SMG6: variants seen among roughly 807,000 people sequenced by gnomAD.
SMG6 encodes SMG6 nonsense mediated mRNA decay factor, also known as telomerase-binding protein EST1A.
A neutral mutation model predicts 142.2 loss-of-function variants in SMG6; 66 were observed. That is an observed-to-expected ratio of 0.46 (90% CI 0.38 to 0.57). The LOEUF (loss-of-function observed/expected upper bound fraction) is 0.57, where lower values mean the gene tolerates loss of function less well. Among genes scored for constraint, SMG6 ranks in the 20% least tolerant of loss-of-function variants. SMG6 has a pLI of 0.00. For missense variants in SMG6, 1,793 were observed against 1,832.0 expected, an observed-to-expected ratio of 0.98 and a Z score of 0.39; for synonymous variants, 779 against 702.4, an observed-to-expected ratio of 1.11 and a Z score of -1.72.
Position 2,069,970 on chromosome 17 carries a change from C to T in SMG6, c.3682-1039G>A, listed in dbSNP as rs149997391. Among the ~76,000 whole-genome samples, 467 of 152,296 alleles carry T rather than the reference C, an allele frequency of 3.1e-3. 5 individuals carry two copies. Among genetic ancestry groups the T allele is most frequent in the African/African-American group, 8.9e-3 (371 of 41,540 alleles). On this transcript the variant is annotated intron_variant, in intron 15 of 18. Coordinates refer to ENST00000263073, the MANE Select transcript of SMG6 (RefSeq NM_017575.5). The stretch of plus-strand genomic sequence containing the variant: ...CCATATCGTGGTACTAAGCAATTGA[C>T]AGCCTAGTCATATGCTTACTAGTGC...
At chr17:2,104,583 G>T (rs1214219420) in intron 13 of SMG6, among the ~76,000 whole-genome samples, 4 of 151,990 alleles carry the variant, frequency 2.6e-5, no homozygotes, top group East Asian at 1.9e-4. Flanking sequence ...GGCAGGTAGA[G>T]CAAGTTAGCA....
chr17:2,298,113 C>G, intron 2 of SMG6, 58 bp from the exon 3 acceptor site: 1 of 1,508,074 alleles, frequency 6.6e-7, no homozygotes, highest in East Asian at 2.3e-5. Flanking sequence ...AAGCTAGACT[C>G]AAGTTTTGAG....
intron 10 of SMG6, among the ~76,000 whole-genome samples, chr17:2,219,803 CA>C (rs72234069): frequency 0.33 from 39,026 of 117,232 alleles, 5,032 homozygotes; most frequent in Admixed American, 0.37. Flanking sequence ...GACCCTTTAT[CA>C]AAAAAAAAAA....
chr17:2,286,751 C>T (rs1025530315), intron 6 of SMG6, among the ~76,000 whole-genome samples: 1 of 152,006 alleles, frequency 6.6e-6, no homozygotes, highest in Non-Finnish European at 1.5e-5. Context: ...AAAAGATAAA[C>T]TGGACTTCAG....
intron 6 of SMG6, among the ~76,000 whole-genome samples, chr17:2,291,852 TAAA>T (rs60668132): frequency 5.2e-5 from 7 of 133,498 alleles, no homozygotes; most frequent in African/African-American, 1.7e-4. Context: ...CTGCCTCTCT[TAAA>T]AAAAAAAAAA....
At chr17:2,222,862 C>T (rs188083136) in intron 10 of SMG6, among the ~76,000 whole-genome samples, 103 of 152,262 alleles carry the variant, frequency 6.8e-4, no homozygotes, top group Non-Finnish European at 1.1e-3. Context: ...TGTCAATGGC[C>T]TACAACTGTA....
intron 13 of SMG6, among the ~76,000 whole-genome samples, chr17:2,145,877 T>G (rs1391375564): frequency 2.0e-5 from 3 of 152,096 alleles, no homozygotes; most frequent in Non-Finnish European, 4.4e-5. Flanking sequence ...CAATGTAGAT[T>G]CTACCTGTCT....
At chr17:2,086,874 C>T (rs1272267989) in intron 13 of SMG6, among the ~76,000 whole-genome samples, 1 of 152,158 alleles carries the variant, frequency 6.6e-6, no homozygotes, top group African/African-American at 2.4e-5. Flanking sequence ...GGGAGAGGGG[C>T]CCTGCTGGAT....
chr17:2,131,546 C>T (rs2070121677), intron 13 of SMG6, among the ~76,000 whole-genome samples: 1 of 152,136 alleles, frequency 6.6e-6, no homozygotes, highest in South Asian at 2.1e-4. Flanking sequence ...GATCTGCTCA[C>T]CTCGGTCTCC....
At chr17:2,268,088 A>G (rs1378072271) in intron 8 of SMG6, among the ~76,000 whole-genome samples, 1 of 152,046 alleles carries the variant, frequency 6.6e-6, no homozygotes, top group Admixed American at 6.6e-5. Flanking sequence ...TATTATTATT[A>G]GAGACGGCAT....
chr17:2,120,528 T>C (rs148109656), intron 13 of SMG6, among the ~76,000 whole-genome samples: 1,896 of 152,328 alleles, frequency 0.012, 39 homozygotes, highest in African/African-American at 0.038. Context: ...GAGACCAGCA[T>C]AGACAACATA....
chr17:2,133,360 T>C (rs1264531303), intron 13 of SMG6, among the ~76,000 whole-genome samples: 3 of 152,180 alleles, frequency 2.0e-5, no homozygotes, highest in East Asian at 1.9e-4. Flanking sequence ...AGAGAACTTA[T>C]GTTTAATTCT....
At chr17:2,258,040 C>CTAT (rs2074230341) in intron 8 of SMG6, among the ~76,000 whole-genome samples, 1 of 50,984 alleles carries the variant, frequency 2.0e-5, no homozygotes, top group Non-Finnish European at 4.1e-5. Context: ...AAAAAATATA[C>CTAT]ACACACACAC....
intron 13 of SMG6, among the ~76,000 whole-genome samples, chr17:2,117,389 T>G (rs2069541432): frequency 6.6e-6 from 1 of 152,294 alleles, no homozygotes; most frequent in South Asian, 2.1e-4. Flanking sequence ...CATGATTGTT[T>G]AACACAAAAA....
chr17:2,296,125 T>C (rs1193204435), intron 4 of SMG6, among the ~76,000 whole-genome samples: 1 of 152,206 alleles, frequency 6.6e-6, no homozygotes, highest in Non-Finnish European at 1.5e-5. Context: ...AATCAATTAA[T>C]GGTTCCCCAG....
At chr17:2,183,369 C>T (rs1476436672) in intron 12 of SMG6, among the ~76,000 whole-genome samples, 1 of 152,150 alleles carries the variant, frequency 6.6e-6, no homozygotes, top group Non-Finnish European at 1.5e-5. Context: ...CCTACACGCA[C>T]AGTTGTACAA....
intron 8 of SMG6, among the ~76,000 whole-genome samples, chr17:2,276,551 ATT>A (rs1308343317): frequency 1.3e-5 from 2 of 151,656 alleles, no homozygotes; most frequent in South Asian, 2.1e-4. Context: ...CACCCAGCTT[ATT>A]TTTTGTGTTT....
chr17:2,297,644 G>T (rs917119246), intron 3 of SMG6, among the ~76,000 whole-genome samples: 1 of 151,846 alleles, frequency 6.6e-6, no homozygotes, highest in African/African-American at 2.4e-5. Context: ...CTCTCTTTTA[G>T]GCCAAGGCAT....
chr17:2,186,649 GC>G lies in SMG6; in HGVS notation c.3155+13del. ...CAAGCCAGTGGTGCTGAAGCAATGGGCAGGTCAACTCACTGCGAGGGCAGAT... is the reference window on the plus strand; with the variant it reads ...CAAGCCAGTGGTGCTGAAGCAATGGGAGGTCAACTCACTGCGAGGGCAGAT... On this transcript the variant is annotated intron_variant, in intron 12 of 18. Coordinates refer to ENST00000263073, the MANE Select transcript of SMG6 (RefSeq NM_017575.5). 2 of 1,613,914 alleles carry G rather than the reference GC, an allele frequency of 1.2e-6. No individual in the cohort carries two copies. The highest frequency in any genetic ancestry group is 2.7e-5 in the African/African-American group (2 of 75,066).
Sources: gnomAD v4.1 joint callset for allele counts (sites outside exome capture counted in the v4.1 genomes callset) on GRCh38, gnomAD v4.1.1 for gene constraint, MANE v1.5 for transcripts, NCBI Gene and HGNC (gene_info 2026-07-23, HGNC 2026-07-21) for gene names.